TRPM3: variants seen among roughly 807,000 people sequenced by gnomAD.
TRPM3 encodes transient receptor potential cation channel subfamily M member 3.
In TRPM3, 77 loss-of-function variants were observed where a neutral mutation model predicts 181.2. The ratio of observed to expected loss-of-function variants is 0.42; its 90% CI spans 0.35 to 0.51. The LOEUF is 0.51. TRPM3 is among the 20% of genes least tolerant of loss of function. TRPM3 has a pLI of 0.01. For synonymous variants in TRPM3, 745 were observed against 796.4 expected (o/e 0.94, Z 1.09); for missense variants, 1,759 against 2,196.7 (o/e 0.80, Z 3.98).
At chr9:70,846,304 T>A in intron 4 of TRPM3, 74 bp downstream of exon 4, 3 of 1,411,894 alleles carry the variant, frequency 2.1e-6, no homozygotes, top group Non-Finnish European at 2.0e-6. Flanking sequence ...AAATAATTAA[T>A]CTTAGCAGAA....
chr9:71,262,283 G>C (rs2083110112), intron 1 of TRPM3, among the ~76,000 whole-genome samples: 1 of 152,116 alleles, frequency 6.6e-6, no homozygotes. Context: ...GCTCCAACCT[G>C]TCCGGACTTC....
At chr9:70,668,755 T>C (rs900926454) in intron 9 of TRPM3, among the ~76,000 whole-genome samples, 1 of 151,462 alleles carries the variant, frequency 6.6e-6, no homozygotes, top group Non-Finnish European at 1.5e-5. Context: ...TACTGTTATA[T>C]CTATTTTTTC....
chr9:71,282,430 A>AAG (rs199541924), intron 1 of TRPM3, among the ~76,000 whole-genome samples: 1,614 of 37,774 alleles, frequency 0.043, 241 homozygotes, highest in African/African-American at 0.12. Context: ...AAGAAAGAAA[A>AAG]AAAGAAAGAG....
In TRPM3 at chr9:71,220,167, A is replaced by T. The variant is rs560562587; in HGVS notation, c.183+226486T>A. ...CTAGTGCTAGTTTCTAAATAACTGGACTCAAAAGAGTCAATTGTAGTTTAT... is the reference window on the plus strand; with the variant it reads ...CTAGTGCTAGTTTCTAAATAACTGGTCTCAAAAGAGTCAATTGTAGTTTAT... On this transcript the variant is annotated intron_variant, in intron 1 of 24. Coordinates refer to the TRPM3 transcript ENST00000357533. 3.9e-5 allele frequency among the ~76,000 whole-genome samples: 6 copies of T among 152,270 alleles called. No individual in the cohort carries two copies. The East Asian group carries it at 1.2e-3, about 29-fold the overall frequency.
chr9:70,667,662 C>T lies in TRPM3; in HGVS notation c.1345+13844G>A, dbSNP rs72720669. On this transcript the variant is annotated intron_variant, in intron 9 of 25. Transcript: ENST00000677713. ...AAATACAATAAATCTTTTATATTTT[C>T]TCTCTCTTCACTCTCCCTTTTTGTT... 5.0e-4 allele frequency among the ~76,000 whole-genome samples: 76 copies of T among 152,260 alleles called. No individual in the cohort carries two copies. In the South Asian group the frequency reaches 0.015, roughly 31 times the overall value.
At chr9:71,225,781 C>T (rs1465732620) in intron 1 of TRPM3, among the ~76,000 whole-genome samples, 1 of 151,870 alleles carries the variant, frequency 6.6e-6, no homozygotes, top group African/African-American at 2.4e-5. Flanking sequence ...CTCAGCCTCC[C>T]TAGTAGCTGG....
At chr9:70,873,223 A>G (rs143892419) in intron 1 of TRPM3, among the ~76,000 whole-genome samples, 2,080 of 152,094 alleles carry the variant, frequency 0.014, 47 homozygotes, top group African/African-American at 0.047. Context: ...AATGCTTGGA[A>G]ATAAATGTAT....
At chr9:70,689,481 T>A (rs78762741) in intron 8 of TRPM3, among the ~76,000 whole-genome samples, 4,280 of 149,950 alleles carry the variant, frequency 0.029, 77 homozygotes, top group Middle Eastern at 0.054. Context: ...ATGCTGTAGG[T>A]CCCAAAGCAA....
At chr9:71,395,432 G>C (rs1296765593) in intron 1 of TRPM3, among the ~76,000 whole-genome samples, 1 of 152,166 alleles carries the variant, frequency 6.6e-6, no homozygotes, top group Non-Finnish European at 1.5e-5. Flanking sequence ...ACACTACATA[G>C]GAAAAGGTCT....
intron 1 of TRPM3, among the ~76,000 whole-genome samples, chr9:70,898,044 G>A (rs2096307949): frequency 6.6e-6 from 1 of 151,950 alleles, no homozygotes; most frequent in Admixed American, 6.5e-5. Flanking sequence ...TACAATAAAT[G>A]ACTCATTAGG....
At chr9:71,032,637 T>A (rs1322290330) in intron 1 of TRPM3, among the ~76,000 whole-genome samples, 1 of 152,188 alleles carries the variant, frequency 6.6e-6, no homozygotes, top group East Asian at 1.9e-4. Flanking sequence ...ATCTAAGTTT[T>A]AAATTGTTTC....
chr9:70,974,684 A>T (rs908043229), intron 1 of TRPM3, among the ~76,000 whole-genome samples: 20 of 151,628 alleles, frequency 1.3e-4, no homozygotes, highest in African/African-American at 4.6e-4. Context: ...AGCCGAGATC[A>T]CACGACTGCA....
chr9:70,536,886 T>C lies in TRPM3; in HGVS notation c.4227A>G (p.Ser1409=), dbSNP rs1179617874. ...LAIVPDSRRP[S]SCIDIYVSAM... ...CAGAGACATAGATGTCTATACACGATGATGGTCTTCTGGAATCAGGAACAA... is the reference window on the plus strand; with the variant it reads ...CAGAGACATAGATGTCTATACACGACGATGGTCTTCTGGAATCAGGAACAA... Residue 1409 remains serine (S), a synonymous_variant, in exon 26 of 26, where the codon TCA becomes TCG. Transcript: ENST00000677713. 6.2e-7 allele frequency: 1 copy of C among 1,614,082 alleles called. No individual in the cohort carries two copies. Among genetic ancestry groups the C allele is most frequent in the Non-Finnish European group, 8.5e-7 (1 of 1,180,046 alleles).
chr9:71,018,359 C>T (rs1344466934), intron 1 of TRPM3, among the ~76,000 whole-genome samples: 1 of 151,402 alleles, frequency 6.6e-6, no homozygotes, highest in African/African-American at 2.4e-5. Flanking sequence ...AACAAATAGA[C>T]ACAATAGAAT....
intron 6 of TRPM3, among the ~76,000 whole-genome samples, chr9:70,820,794 T>A (rs925434287): frequency 1.3e-5 from 2 of 151,992 alleles, no homozygotes; most frequent in Non-Finnish European, 2.9e-5. Flanking sequence ...GATGGAGAAA[T>A]AAAGTCAAAT....
intron 1 of TRPM3, among the ~76,000 whole-genome samples, chr9:71,088,656 AT>A (rs1297515659): frequency 6.6e-6 from 1 of 152,100 alleles, no homozygotes; most frequent in African/African-American, 2.4e-5. Context: ...AAGAAACAGA[AT>A]TTCAAAAGCG....
intron 1 of TRPM3, among the ~76,000 whole-genome samples, chr9:71,275,609 T>C (rs1342850458): frequency 6.6e-6 from 1 of 152,098 alleles, no homozygotes; most frequent in Non-Finnish European, 1.5e-5. Flanking sequence ...TAGTTATACA[T>C]ACTAATTAAT....
chr9:71,034,872 T>C (rs1055168422), intron 1 of TRPM3, among the ~76,000 whole-genome samples: 6 of 152,108 alleles, frequency 3.9e-5, no homozygotes, highest in African/African-American at 1.2e-4. Context: ...TATATATGTA[T>C]ACATTCTAGA....
chr9:71,117,801 A>T (rs1283380569), intron 1 of TRPM3, among the ~76,000 whole-genome samples: 1 of 152,184 alleles, frequency 6.6e-6, no homozygotes. Flanking sequence ...TAACACACTG[A>T]CTTAAATATC....
Sources: gnomAD v4.1 joint callset for allele counts (sites outside exome capture counted in the v4.1 genomes callset) on GRCh38, gnomAD v4.1.1 for gene constraint, MANE v1.5 for transcripts, NCBI Gene and HGNC (gene_info 2026-07-23, HGNC 2026-07-21) for gene names.